HGD: variants seen among roughly 807,000 people sequenced by gnomAD.
HGD encodes homogentisate oxidase.
A neutral mutation model predicts 60.8 loss-of-function variants in HGD; 61 were observed. The observed-to-expected ratio is 1.00, with a 90% CI of 0.82 to 1.24. The LOEUF is 1.24. Ranked by LOEUF, HGD falls within the 50% of genes most tolerant of loss-of-function variation. HGD has a pLI of 0.00. For missense variants in HGD, 542 were observed against 547.1 expected, an observed-to-expected ratio of 0.99 and a Z score of 0.09; for synonymous variants, 212 against 187.7, an observed-to-expected ratio of 1.13 and a Z score of -1.06.
At chr3:120,635,259 C>A (rs546214083) in intron 12 of HGD, among the ~76,000 whole-genome samples, 2 of 151,984 alleles carry the variant, frequency 1.3e-5, no homozygotes, top group African/African-American at 2.4e-5. Context: ...GGGTGGATCA[C>A]GAGGTCAAGA....
chr3:120,644,905 C>CAAA (rs1324964559), intron 9 of HGD, among the ~76,000 whole-genome samples: 1 of 152,182 alleles, frequency 6.6e-6, no homozygotes, highest in African/African-American at 2.4e-5. Context: ...AGACAGAACT[C>CAAA]AGATTCCAGT....
At chr3:120,657,327 A>G (rs1401935573) in intron 4 of HGD, among the ~76,000 whole-genome samples, 1 of 152,240 alleles carries the variant, frequency 6.6e-6, no homozygotes, top group Non-Finnish European at 1.5e-5. Context: ...AAGATTCAAA[A>G]TTCATGCTCA....
chr3:120,671,993 G>A (rs1468804557), intron 3 of HGD, among the ~76,000 whole-genome samples: 2 of 151,678 alleles, frequency 1.3e-5, no homozygotes, highest in African/African-American at 4.8e-5. Flanking sequence ...GTTGGGGGGT[G>A]GGAGTTGGGG....
intron 1 of HGD, among the ~76,000 whole-genome samples, chr3:120,678,261 G>A (rs910197125): frequency 2.6e-5 from 4 of 152,158 alleles, no homozygotes; most frequent in Admixed American, 6.5e-5. Flanking sequence ...CACCATCAAC[G>A]GGATTGAATT....
chr3:120,644,846 C>T (rs1338458487), intron 9 of HGD, among the ~76,000 whole-genome samples: 1 of 152,158 alleles, frequency 6.6e-6, no homozygotes, highest in Admixed American at 6.5e-5. Context: ...TCCTTGATCT[C>T]AGATAGAAAG....
At position 120,655,039 on chromosome 3, in the gene HGD, C is replaced by A. The variant is rs146274851; in HGVS notation, c.283-2388G>T. Among the ~76,000 whole-genome samples, 478 of 152,214 alleles carry A rather than the reference C, an allele frequency of 3.1e-3. 3 individuals are homozygous for A. Among genetic ancestry groups the A allele is most frequent in the African/African-American group, 0.011 (460 of 41,510 alleles). On this transcript the variant is annotated intron_variant, in intron 4 of 13. Transcript: ENST00000283871. ...TGAGCCAAGACCTCACCATTGCACT[C>A]CAGCTTGGGTGACAGAGTGAGACTC...
intron 3 of HGD, chr3:120,674,529 A>G (rs1708085590): frequency 4.0e-6 from 1 of 251,242 alleles, no homozygotes; most frequent in Admixed American, 4.9e-5. Context: ...TGAATCTTCC[A>G]TAATTGTGAC....
At chr3:120,639,680 GT>G (rs1295780298) in intron 11 of HGD, among the ~76,000 whole-genome samples, 30 of 152,208 alleles carry the variant, frequency 2.0e-4, no homozygotes, top group African/African-American at 7.2e-4. Flanking sequence ...AAGTTTTGGT[GT>G]AGATGTGCTC....
At chr3:120,636,522 C>A (rs41452145) in intron 12 of HGD, among the ~76,000 whole-genome samples, 15 of 152,076 alleles carry the variant, frequency 9.9e-5, no homozygotes, top group African/African-American at 3.1e-4. Flanking sequence ...GAGTAACATG[C>A]GAAGTACAGA....
At chr3:120,632,260 A>G (rs1450994483) in intron 13 of HGD, among the ~76,000 whole-genome samples, 1 of 152,228 alleles carries the variant, frequency 6.6e-6, no homozygotes, top group Non-Finnish European at 1.5e-5. Context: ...TGCAAGCATG[A>G]AGCAGGCAGG....
At chr3:120,640,427 TG>T (rs1322043575) in intron 11 of HGD, among the ~76,000 whole-genome samples, 2 of 152,080 alleles carry the variant, frequency 1.3e-5, no homozygotes, top group Non-Finnish European at 2.9e-5. Context: ...CAGGGACAGA[TG>T]GTGAAGAGCA....
intron 3 of HGD, among the ~76,000 whole-genome samples, chr3:120,671,509 G>A (rs1708024216): frequency 6.6e-6 from 1 of 152,134 alleles, no homozygotes; most frequent in African/African-American, 2.4e-5. Context: ...AAAGGCTGTG[G>A]AGAGATAAGA....
At chr3:120,658,975 G>A (rs984332918) in intron 4 of HGD, among the ~76,000 whole-genome samples, 2 of 152,232 alleles carry the variant, frequency 1.3e-5, no homozygotes, top group Non-Finnish European at 1.5e-5. Flanking sequence ...CCCTGGGCCT[G>A]GCCCACAAAA....
chr3:120,657,967 G>A (rs952306229), intron 4 of HGD, among the ~76,000 whole-genome samples: 2 of 152,248 alleles, frequency 1.3e-5, no homozygotes, highest in South Asian at 2.1e-4. Context: ...AACCATTCAT[G>A]AGAAACTGTC....
Position 120,628,436 on chromosome 3 carries a change from C to T in HGD, c.1282G>A (p.Glu428Lys). 6.2e-7 allele frequency: 1 copy of T among 1,613,996 alleles called. No homozygotes were observed. Among genetic ancestry groups the T allele is most frequent in the Non-Finnish European group, 8.5e-7 (1 of 1,179,966 alleles). ...GGAGTGAAGTGGCTCTTGAGTGGCT[C>T]CCAGCACTTGTGGTAGTTCTCATCC... is the stretch of plus-strand genomic sequence containing the variant. Reference protein sequence around the residue: ...CLDENYHKCWEPLKSHFTPNS... With the variant: ...CLDENYHKCWKPLKSHFTPNS... The change falls in exon 14 of 14, where the codon GAG (glutamate) becomes AAG (lysine). Residue 428 changes from glutamate to lysine, a missense_variant. Transcript: ENST00000283871.
intron 9 of HGD, among the ~76,000 whole-genome samples, chr3:120,645,460 A>T (rs909078): frequency 0.23 from 34,569 of 152,154 alleles, 4,355 homozygotes; most frequent in Non-Finnish European, 0.3. Flanking sequence ...TTTCCCAGCC[A>T]TTTCTTTCAA....
At chr3:120,650,983 C>T (rs890818152) in intron 5 of HGD, 118 bp from the exon 6 acceptor site, 16 of 823,094 alleles carry the variant, frequency 1.9e-5, no homozygotes, top group Middle Eastern at 6.4e-4. Context: ...CCTTTGGGAC[C>T]GGTGGGACGT....
At chr3:120,664,121 A>G (rs1161784898) in intron 4 of HGD, among the ~76,000 whole-genome samples, 1 of 152,166 alleles carries the variant, frequency 6.6e-6, no homozygotes, top group African/African-American at 2.4e-5. Flanking sequence ...GATCCCAGCC[A>G]AATGGGGTAG....
At position 120,647,455 on chromosome 3, in the gene HGD, C is replaced by A. The variant is rs139385521; in HGVS notation, c.470-403G>T. Among the ~76,000 whole-genome samples, 6 of 152,158 alleles carry A rather than the reference C, an allele frequency of 3.9e-5. No individual in the cohort carries two copies. In the East Asian group the frequency reaches 7.7e-4, roughly 20 times the overall value. On this transcript the variant is annotated intron_variant, in intron 7 of 13. Coordinates refer to ENST00000283871, the MANE Select transcript of HGD (RefSeq NM_000187.4). ...AAACCATCAAGTATAATAGGCAGAC[C>A]AGAACAATCTCTGATAGACTTTACA...
Sources: gnomAD v4.1 joint callset for allele counts (sites outside exome capture counted in the v4.1 genomes callset) on GRCh38, gnomAD v4.1.1 for gene constraint, MANE v1.5 for transcripts, NCBI Gene and HGNC (gene_info 2026-07-23, HGNC 2026-07-21) for gene names.